Variants in PRKCE observed in about 807,000 individuals in gnomAD.
PRKCE encodes protein kinase C epsilon type.
A neutral mutation model predicts 85.4 loss-of-function variants in PRKCE; 16 were observed. That is an observed-to-expected ratio of 0.19 (90% CI 0.13 to 0.28). The LOEUF (loss-of-function observed/expected upper bound fraction) is 0.28, where lower values mean the gene tolerates loss of function less well. Ranked by LOEUF, PRKCE falls within the 10% of genes least tolerant of loss-of-function variation. PRKCE has a pLI of 1.00. For synonymous variants in PRKCE, 388 were observed against 371.5 expected (o/e 1.04, Z -0.51); for missense variants, 573 against 975.2 (o/e 0.59, Z 5.49).
At chr2:45,772,208 G>A (rs971931205) in intron 1 of PRKCE, among the ~76,000 whole-genome samples, 1 of 151,804 alleles carries the variant, frequency 6.6e-6, no homozygotes, top group South Asian at 2.1e-4. Context: ...GGGAGACTAA[G>A]GTAGAAGGAT....
At chr2:46,089,915 T>A (rs1258125979) in intron 11 of PRKCE, among the ~76,000 whole-genome samples, 2 of 152,166 alleles carry the variant, frequency 1.3e-5, no homozygotes, top group Non-Finnish European at 2.9e-5. Context: ...GCCCCCATTG[T>A]CCCTAGGATT....
intron 2 of PRKCE, among the ~76,000 whole-genome samples, chr2:45,918,034 C>T (rs892048995): frequency 5.3e-5 from 8 of 152,242 alleles, no homozygotes; most frequent in African/African-American, 1.7e-4. Flanking sequence ...GCGCGCAGCC[C>T]CGGTTCCCGC....
In PRKCE at chr2:46,179,025, C is replaced by A. The variant is rs149395193; in HGVS notation, c.2068-5710C>A. On this transcript the variant is annotated intron_variant, in intron 14 of 14. Transcript: ENST00000306156. ...ACAGCATGTCTCAGTTCAGGTCACA[C>A]CCCATGAGGCAGAGGACCTCTGGGT... Among the ~76,000 whole-genome samples the A allele has an allele frequency of 6.2e-3, 948 of 152,178 alleles. 4 individuals carry two copies. The highest frequency in any genetic ancestry group is 0.01 in the Non-Finnish European group (711 of 67,996).
intron 1 of PRKCE, among the ~76,000 whole-genome samples, chr2:45,732,793 G>GAAC (rs1328649156): frequency 3.9e-5 from 6 of 152,130 alleles, no homozygotes; most frequent in African/African-American, 4.8e-5. Flanking sequence ...TCTGACCACA[G>GAAC]AACAACAACA....
chr2:46,134,756 A>G (rs931142641), intron 11 of PRKCE, among the ~76,000 whole-genome samples: 4 of 152,206 alleles, frequency 2.6e-5, no homozygotes, highest in Non-Finnish European at 5.9e-5. Flanking sequence ...GCTTTGCCCA[A>G]ACAGCTGTTT....
At chr2:46,066,495 G>A (rs192206294) in intron 10 of PRKCE, among the ~76,000 whole-genome samples, 2 of 152,252 alleles carry the variant, frequency 1.3e-5, no homozygotes, top group Admixed American at 1.3e-4. Context: ...CTCCAATTAG[G>A]AATCCTAGAC....
intron 1 of PRKCE, among the ~76,000 whole-genome samples, chr2:45,777,997 G>C (rs1379986270): frequency 6.6e-6 from 1 of 152,052 alleles, no homozygotes; most frequent in Non-Finnish European, 1.5e-5. Context: ...CACAGGATGA[G>C]CAGGGCTGTG....
rs766525672 is a variant in PRKCE, at chr2:46,027,333, C to T, written c.1437+16816C>T. Reference sequence around the variant, plus strand: ...CCTGGGCATCAGAGTGAGACCCTATCTCAAAAAAGAAAGAAAAAGAAAAGA... The same window carrying T: ...CCTGGGCATCAGAGTGAGACCCTATTTCAAAAAAGAAAGAAAAAGAAAAGA... On this transcript the variant is annotated intron_variant, in intron 10 of 14. Coordinates refer to ENST00000306156, the MANE Select transcript of PRKCE (RefSeq NM_005400.3). Among the ~76,000 whole-genome samples, 77 of 151,940 alleles carry T rather than the reference C, an allele frequency of 5.1e-4. 1 individual carries two copies. The highest frequency in any genetic ancestry group is 8.8e-4 in the Non-Finnish European group (60 of 67,962).
intron 9 of PRKCE, among the ~76,000 whole-genome samples, chr2:46,009,795 A>T (rs1381780723): frequency 2.6e-5 from 4 of 152,252 alleles, no homozygotes; most frequent in Non-Finnish European, 5.9e-5. Context: ...ACTTGAATTG[A>T]GTATAAGCAA....
At chr2:45,770,829 A>C (rs1369703564) in intron 1 of PRKCE, 1 of 151,028 alleles carries the variant, frequency 6.6e-6, no homozygotes, top group Non-Finnish European at 1.5e-5. Context: ...TCCTTAACCA[A>C]GGGTGAAAAA....
At chr2:45,668,212 G>A (rs939147749) in intron 1 of PRKCE, among the ~76,000 whole-genome samples, 3 of 152,078 alleles carry the variant, frequency 2.0e-5, no homozygotes, top group East Asian at 1.9e-4. Context: ...ATGGTGGTGA[G>A]CGCCTGTACT....
Position 45,785,311 on chromosome 2 carries a change from C to A in PRKCE, c.349-57689C>A, listed in dbSNP as rs569404503. Among the ~76,000 whole-genome samples the A allele has an allele frequency of 1.5e-3, 235 of 152,038 alleles. 1 individual carries two copies. Among genetic ancestry groups the A allele is most frequent in the African/African-American group, 5.4e-3 (224 of 41,480 alleles). ...TTAGAGACCAGCCTGGCCAACATGG[C>A]GAAACCCTGTCTCTACTAAAATTAC... On this transcript the variant is annotated intron_variant, in intron 1 of 14. Coordinates refer to ENST00000306156, the MANE Select transcript of PRKCE (RefSeq NM_005400.3).
intron 11 of PRKCE, among the ~76,000 whole-genome samples, chr2:46,115,322 G>A (rs1672663144): frequency 6.6e-6 from 1 of 152,208 alleles, no homozygotes. Flanking sequence ...TGAAGCAGGG[G>A]GAGTGATTTT....
intron 2 of PRKCE, chr2:45,851,818 G>A (rs1167129198): frequency 6.6e-6 from 1 of 152,182 alleles, no homozygotes; most frequent in Non-Finnish European, 1.5e-5. Context: ...TTCATTTATT[G>A]CTTGATAGAC....
chr2:46,076,507 G>A (rs2103794307), intron 10 of PRKCE, among the ~76,000 whole-genome samples: 1 of 152,288 alleles, frequency 6.6e-6, no homozygotes, highest in South Asian at 2.1e-4. Context: ...GTTTTATTGG[G>A]TGAGTCAGTT....
At chr2:45,737,784 G>A (rs139716014) in intron 1 of PRKCE, among the ~76,000 whole-genome samples, 2,540 of 152,112 alleles carry the variant, frequency 0.017, 40 homozygotes, top group Middle Eastern at 0.027. Context: ...CCTCCACCTG[G>A]GGCCTAAGAC....
chr2:45,937,719 A>G (rs900623246), intron 2 of PRKCE, among the ~76,000 whole-genome samples: 3 of 133,824 alleles, frequency 2.2e-5, no homozygotes, highest in Admixed American at 7.3e-5. Context: ...CGTCTCAAAG[A>G]AAAAAAAAAA....
chr2:45,793,450 C>T (rs1687184252), intron 1 of PRKCE, among the ~76,000 whole-genome samples: 1 of 152,120 alleles, frequency 6.6e-6, no homozygotes, highest in Admixed American at 6.5e-5. Flanking sequence ...TCTTTGGAAA[C>T]CCTGAGAGCT....
intron 2 of PRKCE, among the ~76,000 whole-genome samples, chr2:45,927,090 G>C (rs1056799350): frequency 6.6e-6 from 1 of 151,930 alleles, no homozygotes; most frequent in African/African-American, 2.4e-5. Flanking sequence ...ATGTGAGCGT[G>C]CATGGGACAA....
Sources: allele counts gnomAD v4.1 joint callset (sites outside exome capture counted in the v4.1 genomes callset), GRCh38; gene constraint gnomAD v4.1.1; transcripts MANE v1.5; gene names NCBI Gene and HGNC (gene_info 2026-07-23, HGNC 2026-07-21).